The following CFAP299 variants were observed in gnomAD, a reference collection of about 807,000 sequenced individuals.
CFAP299 encodes cilia and flagella associated protein 299, also known as cilia- and flagella-associated protein 299.
CFAP299 carries 21 observed loss-of-function variants against 27.0 expected under a neutral mutation model. The observed-to-expected ratio is 0.78, with a 90% CI of 0.55 to 1.12. The LOEUF (loss-of-function observed/expected upper bound fraction) is 1.12. CFAP299 is among the 50% of genes most tolerant of loss of function. The pLI is 0.00. For missense variants in CFAP299, 310 were observed against 276.6 expected (o/e 1.12, Z -0.86); for synonymous variants, 104 against 98.1 (o/e 1.06, Z -0.36).
chr4:80,849,496 G>T (rs1369087712), intron 3 of CFAP299, among the ~76,000 whole-genome samples: 3 of 152,148 alleles, frequency 2.0e-5, no homozygotes, highest in African/African-American at 4.8e-5. Flanking sequence ...ACAGGTAAAA[G>T]AAAGCAGTGA....
intron 3 of CFAP299, among the ~76,000 whole-genome samples, chr4:80,608,558 T>C (rs1175905651): frequency 6.6e-6 from 1 of 152,164 alleles, no homozygotes; most frequent in African/African-American, 2.4e-5. Flanking sequence ...GTTGATATTT[T>C]CCAGAATTTT....
rs548267537 is a variant in CFAP299, at chr4:80,716,897, C to T, written c.333+133714C>T. Among the ~76,000 whole-genome samples the T allele has an allele frequency of 2.0e-5, 3 of 152,216 alleles. No homozygotes were observed. In the East Asian group the frequency reaches 5.8e-4, roughly 29 times the overall value. Reference sequence around the variant, plus strand: ...GAGGTTGCCCAGGAATTGCAACCTACTGAAAACCTTTGAAGGAATGTGTTT... The same window carrying T: ...GAGGTTGCCCAGGAATTGCAACCTATTGAAAACCTTTGAAGGAATGTGTTT... On this transcript the variant is annotated intron_variant, in intron 3 of 5. Transcript: ENST00000358105.
chr4:80,944,064 CAATAAATAAATAAATAAATA>C lies in CFAP299; in HGVS notation c.477-720_477-701del, dbSNP rs199854313. 4.2e-3 allele frequency among the ~76,000 whole-genome samples: 613 copies of C among 144,464 alleles called. 1 individual carries two copies. The highest frequency in any genetic ancestry group is 0.014 in the Middle Eastern group (4 of 286). 94.8% of individuals were successfully genotyped at this position (144,464 alleles called of 152,430 possible). A position where few individuals can be genotyped will look rare whatever the true frequency, so the allele number is the denominator to read the frequency against. The stretch of plus-strand genomic sequence containing the variant: ...CTGGAGACAGAGCAAGACTCCATCT[CAATAAATAAATAAATAAATA>C]AATAAATAAATAAATAAATAAATAA... On this transcript the variant is annotated intron_variant, in intron 4 of 5. Coordinates refer to ENST00000358105, the MANE Select transcript of CFAP299 (RefSeq NM_152770.3).
chr4:80,627,682 G>A (rs1738980134), intron 3 of CFAP299, among the ~76,000 whole-genome samples: 1 of 151,954 alleles, frequency 6.6e-6, no homozygotes, highest in Non-Finnish European at 1.5e-5. Context: ...ACTCGGTAGT[G>A]TTTCTATTCA....
At chr4:80,790,370 T>C (rs1727486596) in intron 3 of CFAP299, 1 of 152,062 alleles carries the variant, frequency 6.6e-6, no homozygotes, top group African/African-American at 2.4e-5. Flanking sequence ...TTTTCTTTTT[T>C]ACAGATACTG....
intron 3 of CFAP299, among the ~76,000 whole-genome samples, chr4:80,729,244 A>C (rs1723346884): frequency 6.6e-6 from 1 of 152,196 alleles, no homozygotes; most frequent in Non-Finnish European, 1.5e-5. Flanking sequence ...TTGGTTGCTA[A>C]TTCCACAACC....
intron 4 of CFAP299, among the ~76,000 whole-genome samples, chr4:80,925,341 A>G (rs1384032148): frequency 1.3e-5 from 2 of 151,868 alleles, no homozygotes. Context: ...CTTAAGAGTG[A>G]AACAATGGAT....
Position 80,737,460 on chromosome 4 carries a change from G to A in CFAP299, c.334-132533G>A, listed in dbSNP as rs10005893. Among the ~76,000 whole-genome samples the A allele has an allele frequency of 2.5e-3, 385 of 152,122 alleles. 1 individual carries two copies. The highest frequency in any genetic ancestry group is 8.5e-3 in the African/African-American group (352 of 41,520). ...AGATATTTTATTATGTTTTGATCTC[G>A]TTACTTGTTGTTGGTCAGTTCAGGT... On this transcript the variant is annotated intron_variant, in intron 3 of 5. Transcript: ENST00000358105.
At chr4:80,721,626 G>A (rs1722817386) in intron 3 of CFAP299, among the ~76,000 whole-genome samples, 2 of 152,036 alleles carry the variant, frequency 1.3e-5, no homozygotes, top group South Asian at 4.1e-4. Context: ...TATGAATTTT[G>A]GGGGGAACTC....
chr4:80,551,120 T>C (rs540097506), intron 2 of CFAP299, among the ~76,000 whole-genome samples: 1 of 152,314 alleles, frequency 6.6e-6, no homozygotes, highest in East Asian at 1.9e-4. Flanking sequence ...TCAACTAAAG[T>C]ATATAAGCAA....
At chr4:80,900,123 A>ATGTGTGT (rs139151975) in intron 4 of CFAP299, among the ~76,000 whole-genome samples, 1 of 139,794 alleles carries the variant, frequency 7.2e-6, no homozygotes, top group African/African-American at 2.7e-5. Context: ...AGTGGAAGAA[A>ATGTGTGT]GTGTGTGTGT....
chr4:80,857,589 T>G (rs574621778), intron 3 of CFAP299, among the ~76,000 whole-genome samples: 144 of 152,246 alleles, frequency 9.5e-4, no homozygotes, highest in Non-Finnish European at 1.7e-3. Context: ...CATCAATACC[T>G]AATTAATTGA....
intron 3 of CFAP299, among the ~76,000 whole-genome samples, chr4:80,586,420 A>G (rs1034953683): frequency 3.9e-5 from 6 of 152,152 alleles, no homozygotes; most frequent in Non-Finnish European, 7.4e-5. Context: ...CTTTGAGACA[A>G]ACAGTTGCTT....
chr4:80,838,725 A>C (rs1027468662), intron 3 of CFAP299, among the ~76,000 whole-genome samples: 1 of 152,114 alleles, frequency 6.6e-6, no homozygotes, highest in African/African-American at 2.4e-5. Context: ...CTTTTTGCTT[A>C]GGATTGTTTT....
At chr4:80,608,060 C>G (rs1024965426) in intron 3 of CFAP299, among the ~76,000 whole-genome samples, 1 of 152,028 alleles carries the variant, frequency 6.6e-6, no homozygotes, top group Non-Finnish European at 1.5e-5. Flanking sequence ...TTCAATTTTA[C>G]TACTTTACAA....
chr4:80,709,923 A>C (rs1722043739), intron 3 of CFAP299, among the ~76,000 whole-genome samples: 1 of 152,200 alleles, frequency 6.6e-6, no homozygotes, highest in Non-Finnish European at 1.5e-5. Flanking sequence ...AAGAGACAGA[A>C]GAATGTAATA....
intron 3 of CFAP299, among the ~76,000 whole-genome samples, chr4:80,625,196 A>G (rs546413605): frequency 1.4e-4 from 22 of 152,272 alleles, no homozygotes; most frequent in African/African-American, 5.3e-4. Context: ...AGGGATTTGC[A>G]ATATTAAAAG....
At chr4:80,627,203 G>A (rs568909029) in intron 3 of CFAP299, among the ~76,000 whole-genome samples, 17 of 151,764 alleles carry the variant, frequency 1.1e-4, no homozygotes, top group South Asian at 4.2e-4. Context: ...TATGCAAATC[G>A]GTAAATGTAA....
At chr4:80,949,580 A>G (rs1001637103) in intron 5 of CFAP299, among the ~76,000 whole-genome samples, 1 of 151,990 alleles carries the variant, frequency 6.6e-6, no homozygotes, top group Admixed American at 6.6e-5. Context: ...TAAAAAAAAA[A>G]CAAAAAACAG....
Sources: allele counts gnomAD v4.1 joint callset (sites outside exome capture counted in the v4.1 genomes callset), GRCh38; gene constraint gnomAD v4.1.1; transcripts MANE v1.5; gene names NCBI Gene and HGNC (gene_info 2026-07-23, HGNC 2026-07-21).